HDAC9: variants seen among roughly 807,000 people sequenced by gnomAD.
HDAC9 encodes MEF-2 interacting transcription repressor (MITR) protein.
HDAC9 carries 41 observed loss-of-function variants against 139.4 expected under a neutral mutation model. The ratio of observed to expected loss-of-function variants is 0.29; its 90% CI spans 0.23 to 0.38. HDAC9 has a LOEUF of 0.38. Ranked by LOEUF, HDAC9 falls within the 10% of genes least tolerant of loss-of-function variation. The pLI, the probability that HDAC9 is intolerant of heterozygous loss-of-function variation, is 1.00. For synonymous variants in HDAC9, 517 were observed against 476.2 expected, an observed-to-expected ratio of 1.09 and a Z score of -1.12; for missense variants, 1,147 against 1,297.0, an observed-to-expected ratio of 0.88 and a Z score of 1.78.
At chr7:18,781,356 A>C (rs953154578) in intron 16 of HDAC9, among the ~76,000 whole-genome samples, 2 of 151,910 alleles carry the variant, frequency 1.3e-5, no homozygotes, top group African/African-American at 4.8e-5. Context: ...CAACTATATA[A>C]CTTTGGTCAA....
At chr7:18,383,922 G>GAAATT (rs1405174016) in intron 1 of HDAC9, among the ~76,000 whole-genome samples, 2 of 151,126 alleles carry the variant, frequency 1.3e-5, no homozygotes, top group Admixed American at 1.3e-4. Flanking sequence ...AAGAACTGAT[G>GAAATT]AAATTACTAC....
chr7:18,716,844 C>G (rs1408360234), intron 12 of HDAC9, among the ~76,000 whole-genome samples: 1 of 152,170 alleles, frequency 6.6e-6, no homozygotes, highest in Non-Finnish European at 1.5e-5. Flanking sequence ...CCAATTCCCT[C>G]TGCTTCTGTT....
At chr7:18,895,353 G>T (rs1449366316) in intron 22 of HDAC9, among the ~76,000 whole-genome samples, 1 of 152,024 alleles carries the variant, frequency 6.6e-6, no homozygotes, top group Non-Finnish European at 1.5e-5. Context: ...GATTATAAGA[G>T]AAATGAAAAA....
At position 18,465,920 on chromosome 7, in the gene HDAC9, A is replaced by G. The variant is rs116498295; in HGVS notation, c.-41-30342A>G. Among the ~76,000 whole-genome samples, 1,496 of 152,310 alleles carry G rather than the reference A, an allele frequency of 9.8e-3. 23 individuals are homozygous for G. The highest frequency in any genetic ancestry group is 0.034 in the African/African-American group (1,407 of 41,554). On this transcript the variant is annotated intron_variant, in intron 1 of 3. Transcript: ENST00000413509. ...TGTTGCTGCCATCAGGAACTAACAT[A>G]AATTTAGCAGGTTAAAACAACACAA...
chr7:18,310,836 ACACACAC>A (rs1799265712), intron 1 of HDAC9, among the ~76,000 whole-genome samples: 1 of 151,582 alleles, frequency 6.6e-6, no homozygotes, highest in Non-Finnish European at 1.5e-5. Context: ...ACACACACAC[ACACACAC>A]ACACACTCTC....
At chr7:18,708,938 A>G (rs1454593200) in intron 12 of HDAC9, among the ~76,000 whole-genome samples, 1 of 152,122 alleles carries the variant, frequency 6.6e-6, no homozygotes, top group Non-Finnish European at 1.5e-5. Flanking sequence ...ATGCACACAC[A>G]CACACACAAT....
chr7:18,147,580 T>A (rs1365529778), intron 1 of HDAC9, among the ~76,000 whole-genome samples: 1 of 152,104 alleles, frequency 6.6e-6, no homozygotes, highest in Non-Finnish European at 1.5e-5. Context: ...ATAATAAATT[T>A]AATAAATACT....
chr7:18,829,519 A>C lies in HDAC9; in HGVS notation c.2437A>C (p.Asn813His), dbSNP rs762998657. The C allele has an allele frequency of 2.2e-5, 36 of 1,609,780 alleles. No homozygotes were observed. The Admixed American group carries it at 4.7e-4, about 21-fold the overall frequency. ...CGCCAAATACTTGAGAGACCAACTA[A>C]ATATAAGCAAGATATTGATTGTAGA... ...ITAKYLRDQLNISKILIVDLD... is the reference protein window; with the variant it reads ...ITAKYLRDQLHISKILIVDLD... Residue 813 changes from asparagine to histidine, a missense_variant, in exon 19 of 26, where the codon AAT (asparagine) becomes CAT (histidine). Physicochemically the swap from Asn to His is moderately conservative, Grantham distance 68. Transcript: ENST00000686413.
At chr7:18,259,326 C>G (rs906081231) in intron 2 of HDAC9, among the ~76,000 whole-genome samples, 1 of 151,944 alleles carries the variant, frequency 6.6e-6, no homozygotes, top group African/African-American at 2.4e-5. Context: ...CTGCCACCCC[C>G]CAATAAAAGT....
intron 22 of HDAC9, among the ~76,000 whole-genome samples, chr7:18,885,883 C>A (rs972417175): frequency 1.3e-5 from 2 of 152,092 alleles, no homozygotes; most frequent in Non-Finnish European, 2.9e-5. Context: ...CAAGGACTTA[C>A]TCTTTGACTC....
At chr7:18,534,041 C>T (rs1315627174) in intron 2 of HDAC9, among the ~76,000 whole-genome samples, 1 of 152,064 alleles carries the variant, frequency 6.6e-6, no homozygotes, top group Non-Finnish European at 1.5e-5. Context: ...TTTAATTTTT[C>T]TGCGTGCACT....
chr7:18,331,932 G>A (rs573020735), intron 1 of HDAC9, among the ~76,000 whole-genome samples: 1 of 151,734 alleles, frequency 6.6e-6, no homozygotes, highest in South Asian at 2.1e-4. Context: ...CATGTGCGGA[G>A]CCTCTTAGGA....
chr7:18,778,379 G>A (rs556943812), intron 16 of HDAC9, among the ~76,000 whole-genome samples: 31 of 151,932 alleles, frequency 2.0e-4, no homozygotes, highest in Middle Eastern at 6.8e-3. Flanking sequence ...AAACCACTGT[G>A]GGATGAGATA....
rs188428840 is a variant in HDAC9, at chr7:18,821,178, G to A, written c.2323-7983G>A. 2.5e-3 allele frequency among the ~76,000 whole-genome samples: 385 copies of A among 152,332 alleles called. 1 individual carries two copies. The South Asian group carries it at 0.026, about 10-fold the overall frequency. ...AGCCTATTTTATAATGGCCTTATCC[G>A]ATTTATGATAGGAAATGCTCTCATG... On this transcript the variant is annotated intron_variant, in intron 17 of 25. Transcript: ENST00000686413.
intron 2 of HDAC9, among the ~76,000 whole-genome samples, chr7:18,507,230 G>A (rs900637190): frequency 3.3e-5 from 5 of 149,376 alleles, no homozygotes; most frequent in Non-Finnish European, 5.9e-5. Context: ...TCACTCTGTC[G>A]CCCAGGCTGG....
At chr7:18,976,939 C>A (rs1455762641) in intron 25 of HDAC9, among the ~76,000 whole-genome samples, 2 of 152,174 alleles carry the variant, frequency 1.3e-5, no homozygotes, top group Non-Finnish European at 2.9e-5. Flanking sequence ...GCAATTTTCC[C>A]AAGAATGCAC....
At chr7:18,219,942 G>C (rs1415224618) in intron 2 of HDAC9, among the ~76,000 whole-genome samples, 1 of 152,070 alleles carries the variant, frequency 6.6e-6, no homozygotes, top group Non-Finnish European at 1.5e-5. Context: ...TTGTGGCTTT[G>C]GTCCTTTCAG....
At chr7:18,918,081 A>G (rs1399086397) in intron 22 of HDAC9, among the ~76,000 whole-genome samples, 1 of 152,082 alleles carries the variant, frequency 6.6e-6, no homozygotes, top group African/African-American at 2.4e-5. Flanking sequence ...AAACACATTC[A>G]ATTAAAATCA....
chr7:18,789,434 A>G lies in HDAC9; in HGVS notation c.2215-3911A>G, dbSNP rs189210470. Reference sequence around the variant, plus strand: ...ATGACAAAGCATATTTTTTCAGAATATAGTAGTTCTATTTTTAAGAATTTG... The same window carrying G: ...ATGACAAAGCATATTTTTTCAGAATGTAGTAGTTCTATTTTTAAGAATTTG... On this transcript the variant is annotated intron_variant, in intron 16 of 25. Coordinates refer to ENST00000686413, the MANE Select transcript of HDAC9 (RefSeq NM_178425.4). Among the ~76,000 whole-genome samples, 126 of 152,312 alleles carry G rather than the reference A, an allele frequency of 8.3e-4. No homozygotes were observed. The East Asian group carries it at 0.011, about 14-fold the overall frequency.
Sources: gnomAD v4.1 joint callset for allele counts (sites outside exome capture counted in the v4.1 genomes callset) on GRCh38, gnomAD v4.1.1 for gene constraint, MANE v1.5 for transcripts, NCBI Gene and HGNC (gene_info 2026-07-23, HGNC 2026-07-21) for gene names.